Variants in EPHB1 observed in about 807,000 individuals in gnomAD.
EPHB1 encodes the protein ephrin type-B receptor 1.
In EPHB1, 30 loss-of-function variants were observed where a neutral mutation model predicts 94.4. The ratio of observed to expected loss-of-function variants is 0.32; its 90% CI spans 0.24 to 0.43. The LOEUF (loss-of-function observed/expected upper bound fraction) is 0.43, where lower values mean the gene tolerates loss of function less well. Ranked by LOEUF, EPHB1 falls within the 20% of genes least tolerant of loss-of-function variation. The pLI is 1.00. For synonymous variants in EPHB1, 522 were observed against 489.1 expected, an observed-to-expected ratio of 1.07 and a Z score of -0.89; for missense variants, 1,055 against 1,308.3, an observed-to-expected ratio of 0.81 and a Z score of 2.99.
chr3:135,022,387 A>C (rs897112750), intron 3 of EPHB1, among the ~76,000 whole-genome samples: 5 of 152,214 alleles, frequency 3.3e-5, no homozygotes, highest in African/African-American at 1.2e-4. Context: ...TACTAACTTC[A>C]TAAAATGAAC....
intron 1 of EPHB1, among the ~76,000 whole-genome samples, chr3:134,910,823 T>C: frequency 6.6e-6 from 1 of 152,206 alleles, no homozygotes; most frequent in East Asian, 1.9e-4. Context: ...CTCTCATGGG[T>C]CGGCCCTTGG....
At chr3:135,002,764 C>T (rs958083748) in intron 3 of EPHB1, among the ~76,000 whole-genome samples, 14 of 152,210 alleles carry the variant, frequency 9.2e-5, no homozygotes, top group African/African-American at 2.9e-4. Flanking sequence ...TTGTAGTATT[C>T]TCTGATGGTA....
chr3:134,825,456 A>G (rs2036460730), intron 1 of EPHB1, among the ~76,000 whole-genome samples: 1 of 152,248 alleles, frequency 6.6e-6, no homozygotes, highest in African/African-American at 2.4e-5. Flanking sequence ...ATCTAAGCCT[A>G]TAAAAATGCC....
At chr3:135,114,677 C>T (rs527466119) in intron 4 of EPHB1, among the ~76,000 whole-genome samples, 267 of 149,384 alleles carry the variant, frequency 1.8e-3, no homozygotes, top group African/African-American at 6.3e-3. Context: ...GAGCCAAGAT[C>T]GTGTCACTGC....
At chr3:135,099,439 G>A (rs1055163065) in intron 3 of EPHB1, among the ~76,000 whole-genome samples, 2 of 152,186 alleles carry the variant, frequency 1.3e-5, no homozygotes, top group Non-Finnish European at 2.9e-5. Context: ...TGAATATAAG[G>A]GGAAATGGGA....
intron 3 of EPHB1, among the ~76,000 whole-genome samples, chr3:135,098,233 C>T (rs1938880401): frequency 1.3e-5 from 2 of 152,154 alleles, no homozygotes. Flanking sequence ...TCTTTGATTA[C>T]TAAAGTCATG....
At chr3:135,257,906 A>AATC (rs1356315446) in intron 15 of EPHB1, among the ~76,000 whole-genome samples, 11 of 152,132 alleles carry the variant, frequency 7.2e-5, no homozygotes, top group Non-Finnish European at 1.0e-4. Flanking sequence ...TGTGGGATAT[A>AATC]ATCTCGTGGT....
intron 1 of EPHB1, among the ~76,000 whole-genome samples, chr3:134,805,403 A>G (rs1433806151): frequency 1.3e-5 from 2 of 152,142 alleles, no homozygotes; most frequent in Non-Finnish European, 2.9e-5. Flanking sequence ...GTCAGAACAC[A>G]CTTTGGGTGT....
chr3:134,971,642 A>G (rs1410036948), intron 3 of EPHB1, among the ~76,000 whole-genome samples: 1 of 152,112 alleles, frequency 6.6e-6, no homozygotes, highest in African/African-American at 2.4e-5. Flanking sequence ...TCCTTCCTCA[A>G]TGCAGGGACA....
At chr3:135,152,313 A>T (rs1471217873) in intron 5 of EPHB1, among the ~76,000 whole-genome samples, 1 of 152,230 alleles carries the variant, frequency 6.6e-6, no homozygotes, top group Admixed American at 6.5e-5. Flanking sequence ...AGATCGGAAG[A>T]TATGTAAATT....
At chr3:135,191,429 A>G (rs190195894) in intron 10 of EPHB1, among the ~76,000 whole-genome samples, 262 of 152,348 alleles carry the variant, frequency 1.7e-3, no homozygotes, top group African/African-American at 4.5e-3. Flanking sequence ...TAATATGGCA[A>G]GTAATTTATC....
At chr3:134,842,963 A>T (rs1301799980) in intron 1 of EPHB1, among the ~76,000 whole-genome samples, 1 of 152,200 alleles carries the variant, frequency 6.6e-6, no homozygotes, top group South Asian at 2.1e-4. Flanking sequence ...GACTGTTCAT[A>T]TATTTACCAT....
chr3:134,844,547 A>G (rs1241137134), intron 1 of EPHB1, among the ~76,000 whole-genome samples: 1 of 152,212 alleles, frequency 6.6e-6, no homozygotes, highest in Non-Finnish European at 1.5e-5. Context: ...GATATGGCAT[A>G]ACCAACCACT....
At chr3:135,042,764 T>C (rs927977779) in intron 3 of EPHB1, among the ~76,000 whole-genome samples, 1 of 152,232 alleles carries the variant, frequency 6.6e-6, no homozygotes, top group African/African-American at 2.4e-5. Context: ...AAGCTCATTA[T>C]CCAACTGATC....
chr3:134,848,401 A>G (rs2036917457), intron 1 of EPHB1, among the ~76,000 whole-genome samples: 1 of 152,234 alleles, frequency 6.6e-6, no homozygotes, highest in Non-Finnish European at 1.5e-5. Flanking sequence ...TTATCTCTCT[A>G]AGTGGAGAAA....
chr3:134,867,286 G>A (rs954461984), intron 1 of EPHB1, among the ~76,000 whole-genome samples: 1 of 152,146 alleles, frequency 6.6e-6, no homozygotes, highest in Non-Finnish European at 1.5e-5. Flanking sequence ...TTCATTTAGG[G>A]GAGGTTTTAC....
At chr3:135,054,560 C>A (rs1937293653) in intron 3 of EPHB1, among the ~76,000 whole-genome samples, 1 of 151,558 alleles carries the variant, frequency 6.6e-6, no homozygotes, top group South Asian at 2.1e-4. Flanking sequence ...CAGAGCACAG[C>A]CAGCTAACCC....
At chr3:134,940,068 A>G (rs551453971) in intron 2 of EPHB1, among the ~76,000 whole-genome samples, 3 of 152,324 alleles carry the variant, frequency 2.0e-5, no homozygotes, top group African/African-American at 7.2e-5. Context: ...GGAGATTCCC[A>G]GAGGGAAAGG....
intron 1 of EPHB1, among the ~76,000 whole-genome samples, chr3:134,882,765 C>CTTTCTTTCTTTCTTTCTTTCTTT (rs1553861895): frequency 1.4e-4 from 11 of 79,876 alleles, no homozygotes; most frequent in African/African-American, 3.6e-4. Flanking sequence ...TTCCTTCCTT[C>CTTTCTTTCTTTCTTTCTTTCTTT]CTTTCTTTCT....
Sources: gnomAD v4.1 joint callset for allele counts (sites outside exome capture counted in the v4.1 genomes callset) on GRCh38, gnomAD v4.1.1 for gene constraint, MANE v1.5 for transcripts, NCBI Gene and HGNC (gene_info 2026-07-23, HGNC 2026-07-21) for gene names.